MROH9: variants seen among roughly 807,000 people sequenced by gnomAD.
MROH9 encodes maestro heat like repeat family member 9, also known as maestro heat-like repeat-containing protein family member 9.
In MROH9, 92 loss-of-function variants were observed where a neutral mutation model predicts 98.2. That is an observed-to-expected ratio of 0.94 (90% confidence interval 0.79 to 1.11). MROH9 has a LOEUF of 1.11. Ranked by LOEUF, MROH9 falls within the 50% of genes most tolerant of loss-of-function variation. MROH9 has a pLI of 0.00. For synonymous variants in MROH9, 397 were observed against 368.9 expected, an observed-to-expected ratio of 1.08 and a Z score of -0.87; for missense variants, 1,057 against 1,014.8, an observed-to-expected ratio of 1.04 and a Z score of -0.57.
rs749924673 is a variant in MROH9, at chr1:170,965,161, T to C, written c.386T>C (p.Val129Ala). The C allele has an allele frequency of 3.7e-6, 6 of 1,607,620 alleles. No individual in the cohort carries two copies. The highest frequency in any genetic ancestry group is 5.1e-6 in the Non-Finnish European group (6 of 1,175,452). The stretch of plus-strand genomic sequence containing the variant: ...TTATGTTTCCAACAGGAAATGCTCG[T>C]GTGGATGAGTAAAGATAGCTCATAT... ...YKLQILKEML[V>A]WMSKDSSYLQ... is the part of the protein sequence containing the mutation. Residue 129 changes from valine to alanine, a missense_variant, in exon 7 of 22, where the codon GTG becomes GCG. Physicochemically the swap from Val to Ala is moderately conservative, Grantham distance 64. Coordinates refer to ENST00000367759, the MANE Select transcript of MROH9 (RefSeq NM_001163629.2).
chr1:170,937,647 A>G (rs935449293), intron 1 of MROH9, among the ~76,000 whole-genome samples: 1 of 146,998 alleles, frequency 6.8e-6, no homozygotes, highest in African/African-American at 2.5e-5. Flanking sequence ...TCAGCCTCCC[A>G]AGTAGCTGGG....
At chr1:171,063,008 C>T (rs924345886) in intron 21 of MROH9, among the ~76,000 whole-genome samples, 2 of 152,014 alleles carry the variant, frequency 1.3e-5, no homozygotes, top group East Asian at 1.9e-4. Flanking sequence ...CATTCATTCA[C>T]TCACTCATTC....
At chr1:170,967,471 C>T (rs528266463) in intron 7 of MROH9, among the ~76,000 whole-genome samples, 11 of 152,222 alleles carry the variant, frequency 7.2e-5, no homozygotes, top group African/African-American at 2.6e-4. Context: ...TCCCACAGCC[C>T]TAGTCTGTGT....
intron 20 of MROH9, among the ~76,000 whole-genome samples, chr1:171,028,697 T>C (rs773572607): frequency 2.0e-5 from 3 of 152,226 alleles, no homozygotes; most frequent in Non-Finnish European, 4.4e-5. Context: ...TCCTCTCTGA[T>C]TTCTTTGAGC....
chr1:171,017,107 T>C (rs570241099), intron 17 of MROH9, among the ~76,000 whole-genome samples: 4 of 152,210 alleles, frequency 2.6e-5, no homozygotes, highest in African/African-American at 9.6e-5. Context: ...ATAAACACAT[T>C]AGAATAGTAA....
At chr1:171,040,669 G>A (rs751777533) in intron 20 of MROH9, among the ~76,000 whole-genome samples, 15 of 152,112 alleles carry the variant, frequency 9.9e-5, no homozygotes, top group Non-Finnish European at 1.8e-4. Context: ...GAACTTTAGT[G>A]TTACTATCTG....
chr1:171,009,200 C>T lies in MROH9; in HGVS notation c.1597-4917C>T, dbSNP rs538243133. Among the ~76,000 whole-genome samples the T allele has an allele frequency of 5.9e-5, 9 of 151,452 alleles. No individual in the cohort carries two copies. In the East Asian group the frequency reaches 1.2e-3, roughly 20 times the overall value. ...TCAAAGTACCCCTCTTGTGTAGTTT[C>T]GACGCATAAAGTTATTGTTGAAAGA... On this transcript the variant is annotated intron_variant, in intron 15 of 21. Coordinates refer to ENST00000367759, the MANE Select transcript of MROH9 (RefSeq NM_001163629.2).
chr1:170,990,459 G>A (rs1651315548), intron 11 of MROH9, among the ~76,000 whole-genome samples: 1 of 152,128 alleles, frequency 6.6e-6, no homozygotes. Flanking sequence ...GGAGTCCTGT[G>A]TCCTTTAACT....
At chr1:170,944,115 A>G (rs1649229570) in intron 1 of MROH9, among the ~76,000 whole-genome samples, 1 of 152,072 alleles carries the variant, frequency 6.6e-6, no homozygotes, top group South Asian at 2.1e-4. Flanking sequence ...ACACAAATGC[A>G]TAAAGGTTTC....
intron 2 of MROH9, among the ~76,000 whole-genome samples, chr1:170,945,964 A>G (rs961276882): frequency 2.0e-5 from 3 of 152,050 alleles, no homozygotes; most frequent in African/African-American, 7.2e-5. Context: ...TACATATCAA[A>G]CCCTATAGTA....
At chr1:171,062,895 C>T (rs1464810270) in intron 21 of MROH9, among the ~76,000 whole-genome samples, 1 of 152,092 alleles carries the variant, frequency 6.6e-6, no homozygotes, top group Non-Finnish European at 1.5e-5. Flanking sequence ...CTATGCATAG[C>T]CTCCCCCATT....
intron 6 of MROH9, 56 bp from the exon 7 acceptor site, chr1:170,965,095 G>T (rs1557876478): frequency 4.0e-6 from 5 of 1,265,464 alleles, no homozygotes; most frequent in Middle Eastern, 2.2e-4. Context: ...ATAGAGGAAA[G>T]GTTCTTGGAA....
intron 1 of MROH9, among the ~76,000 whole-genome samples, chr1:170,941,066 C>G (rs1365953223): frequency 6.6e-6 from 1 of 152,304 alleles, no homozygotes; most frequent in East Asian, 1.9e-4. Flanking sequence ...TTAGAAGGAC[C>G]TGAGCTACAC....
At chr1:170,992,614 A>G (rs1366402573) in intron 12 of MROH9, among the ~76,000 whole-genome samples, 1 of 152,190 alleles carries the variant, frequency 6.6e-6, no homozygotes, top group Non-Finnish European at 1.5e-5. Context: ...GTGACTGGCA[A>G]GGTTTAGGTA....
intron 15 of MROH9, among the ~76,000 whole-genome samples, chr1:171,004,553 G>A (rs1034844549): frequency 6.6e-6 from 1 of 152,218 alleles, no homozygotes; most frequent in African/African-American, 2.4e-5. Context: ...GTTTAGGAAA[G>A]GAGGGTCTCC....
intron 21 of MROH9, among the ~76,000 whole-genome samples, chr1:171,062,761 A>G (rs1557919444): frequency 6.6e-6 from 1 of 152,236 alleles, no homozygotes; most frequent in Non-Finnish European, 1.5e-5. Context: ...AGTGAGTTAT[A>G]AAAACAAGTT....
chr1:171,061,354 C>T (rs1331945463), intron 20 of MROH9, among the ~76,000 whole-genome samples: 1 of 152,088 alleles, frequency 6.6e-6, no homozygotes, highest in Non-Finnish European at 1.5e-5. Flanking sequence ...GGTAAATCCA[C>T]TAGTTATATA....
intron 1 of MROH9, among the ~76,000 whole-genome samples, chr1:170,940,350 A>C (rs1649075365): frequency 6.6e-6 from 1 of 152,214 alleles, no homozygotes; most frequent in Non-Finnish European, 1.5e-5. Context: ...CTTGTTCAGA[A>C]GATCCAATAA....
At chr1:171,062,633 C>T (rs1346159153) in intron 21 of MROH9, among the ~76,000 whole-genome samples, 1 of 152,162 alleles carries the variant, frequency 6.6e-6, no homozygotes, top group Non-Finnish European at 1.5e-5. Flanking sequence ...TAGCAATGTA[C>T]AATACATTTG....
Sources: allele counts gnomAD v4.1 joint callset (sites outside exome capture counted in the v4.1 genomes callset), GRCh38; gene constraint gnomAD v4.1.1; transcripts MANE v1.5; gene names NCBI Gene and HGNC (gene_info 2026-07-23, HGNC 2026-07-21).